The following TNR variants were observed in gnomAD, a reference collection of about 807,000 sequenced individuals.
The protein encoded by TNR is tenascin-R.
In TNR, 45 loss-of-function variants were observed where a neutral mutation model predicts 150.4. That is an observed-to-expected ratio of 0.30 (90% CI 0.24 to 0.38). The LOEUF (loss-of-function observed/expected upper bound fraction) is 0.38, where lower values mean the gene tolerates loss of function less well. Among genes scored for constraint, TNR ranks in the 10% least tolerant of loss-of-function variants. TNR has a pLI of 1.00. For synonymous variants in TNR, 687 were observed against 678.4 expected (o/e 1.01, Z -0.20); for missense variants, 1,544 against 1,759.1 (o/e 0.88, Z 2.19).
At chr1:175,424,430 G>C (rs1224285001) in intron 2 of TNR, among the ~76,000 whole-genome samples, 4 of 152,208 alleles carry the variant, frequency 2.6e-5, no homozygotes, top group Admixed American at 2.6e-4. Flanking sequence ...GAGGAGCCTT[G>C]GTAAGTGTTG....
chr1:175,649,796 T>G (rs980804714), intron 1 of TNR, among the ~76,000 whole-genome samples: 11 of 152,050 alleles, frequency 7.2e-5, no homozygotes, highest in Non-Finnish European at 1.5e-4. Flanking sequence ...TTTTCTACCC[T>G]TACTGCCCAC....
chr1:175,592,369 GA>G (rs1662834022), intron 1 of TNR, among the ~76,000 whole-genome samples: 1 of 152,214 alleles, frequency 6.6e-6, no homozygotes, highest in African/African-American at 2.4e-5. Flanking sequence ...AATAGGTGAG[GA>G]GCTCACATAT....
intron 21 of TNR, among the ~76,000 whole-genome samples, chr1:175,326,515 T>C (rs1159240619): frequency 1.3e-5 from 2 of 152,136 alleles, no homozygotes; most frequent in African/African-American, 2.4e-5. Context: ...TGATCTTCAT[T>C]CCGTCTTCTT....
intron 18 of TNR, among the ~76,000 whole-genome samples, chr1:175,340,198 C>T (rs530526259): frequency 3.2e-4 from 49 of 152,092 alleles, no homozygotes; most frequent in Non-Finnish European, 5.1e-4. Context: ...CCTTCCAGGC[C>T]GGCAATGAGC....
chr1:175,516,418 G>T lies in TNR; in HGVS notation c.-64+11851C>A, dbSNP rs574191001. The stretch of plus-strand genomic sequence containing the variant: ...GGAAAGTGGCACTTCTCAAGTGGTG[G>T]GTCAGCATCCTGGAAAAATGAGGAA... On this transcript the variant is annotated intron_variant, in intron 2 of 22. Transcript: ENST00000367674. Among the ~76,000 whole-genome samples, 245 of 152,286 alleles carry T rather than the reference G, an allele frequency of 1.6e-3. 1 individual carries two copies. The highest frequency in any genetic ancestry group is 2.9e-4 in the Non-Finnish European group (20 of 68,016).
chr1:175,623,971 C>G (rs1173345566), intron 1 of TNR, among the ~76,000 whole-genome samples: 2 of 152,168 alleles, frequency 1.3e-5, no homozygotes, highest in African/African-American at 4.8e-5. Flanking sequence ...TCTAAGAATG[C>G]CCTGATGTTT....
chr1:175,740,102 T>C (rs1294952458), intron 1 of TNR, among the ~76,000 whole-genome samples: 1 of 152,220 alleles, frequency 6.6e-6, no homozygotes, highest in African/African-American at 2.4e-5. Flanking sequence ...AATGTACCCC[T>C]CCCACATCTT....
chr1:175,387,083 G>C (rs1490803537), intron 7 of TNR, among the ~76,000 whole-genome samples: 1 of 152,240 alleles, frequency 6.6e-6, no homozygotes, highest in Non-Finnish European at 1.5e-5. Flanking sequence ...CACCTGGAAA[G>C]CTGGTTGATT....
intron 2 of TNR, among the ~76,000 whole-genome samples, chr1:175,499,381 C>T (rs1405490533): frequency 6.6e-6 from 1 of 152,216 alleles, no homozygotes; most frequent in South Asian, 2.1e-4. Context: ...TAAAGTTGGG[C>T]TCTCCCTGCA....
At chr1:175,416,843 C>T (rs1654481831) in intron 2 of TNR, among the ~76,000 whole-genome samples, 1 of 152,206 alleles carries the variant, frequency 6.6e-6, no homozygotes, top group South Asian at 2.1e-4. Flanking sequence ...CCCGTCTCTA[C>T]TAAAAATACA....
chr1:175,658,429 T>G (rs1294016238), intron 1 of TNR, among the ~76,000 whole-genome samples: 1 of 152,196 alleles, frequency 6.6e-6, no homozygotes, highest in East Asian at 1.9e-4. Context: ...TGTTCCTATG[T>G]GTTCCAAGTG....
At chr1:175,683,767 C>A (rs1666109232) in intron 1 of TNR, among the ~76,000 whole-genome samples, 1 of 152,132 alleles carries the variant, frequency 6.6e-6, no homozygotes, top group South Asian at 2.1e-4. Context: ...TGAGGAAACC[C>A]CAGGAGATCA....
chr1:175,404,879 G>A (rs531575427), intron 3 of TNR, among the ~76,000 whole-genome samples: 2 of 152,338 alleles, frequency 1.3e-5, no homozygotes, highest in South Asian at 4.1e-4. Flanking sequence ...TCTGCAGATT[G>A]TTTTATTTAT....
At chr1:175,406,834 G>A in intron 2 of TNR, 57 bp from the exon 3 acceptor site, 1 of 1,348,012 alleles carries the variant, frequency 7.4e-7, no homozygotes, top group Non-Finnish European at 1.0e-6. Flanking sequence ...TGGCACCATG[G>A]CTCTGCACAA....
rs1648896910 is a variant in TNR, at chr1:175,318,220, G to A, written c.*5137C>T. 6.6e-6 allele frequency: 1 copy of A among 152,260 alleles called. No homozygotes were observed. Among genetic ancestry groups the A allele is most frequent in the South Asian group, 2.1e-4 (1 of 4,832 alleles). The allele number at this position is 152,260 out of a possible 1,614,324, so 9.4% of individuals were successfully genotyped here. ...GAGGCTGGAGGCCAGAACGTGAGAA[G>A]CCAATGCTGCTTCCTCTCCCATGGC... On this transcript the variant is annotated 3_prime_UTR_variant, in exon 23 of 23. Coordinates refer to ENST00000367674, the MANE Select transcript of TNR (RefSeq NM_003285.3).
At chr1:175,409,856 T>C (rs1057156409) in intron 2 of TNR, among the ~76,000 whole-genome samples, 2 of 52,392 alleles carry the variant, frequency 3.8e-5, no homozygotes, top group Non-Finnish European at 7.6e-5. Context: ...CAAGTGTGTG[T>C]GGGTGGGTGG....
chr1:175,425,113 C>T (rs922289589), intron 2 of TNR, among the ~76,000 whole-genome samples: 62 of 152,002 alleles, frequency 4.1e-4, no homozygotes, highest in Middle Eastern at 3.4e-3. Context: ...TGTCGAAGAC[C>T]TTATATTAAG....
At position 175,315,822 on chromosome 1, in the gene TNR, G is replaced by A. The variant is rs1324368703; in HGVS notation, c.*7535C>T. 4.1e-5 allele frequency: 6 copies of A among 146,238 alleles called. No individual in the cohort carries two copies. The highest frequency in any genetic ancestry group is 1.7e-4 in the African/African-American group (6 of 36,022). The allele number at this position is 146,238 out of a possible 1,614,324, so 9.1% of individuals were successfully genotyped here. On this transcript the variant is annotated 3_prime_UTR_variant, in exon 23 of 23. Transcript: ENST00000367674. ...CATGTGTGTGTGTGCATGTGTGTGT[G>A]TGTGTGTGTGTGTGTGTGTGTGTGA...
chr1:175,459,302 C>T (rs1308409823), intron 2 of TNR, among the ~76,000 whole-genome samples: 2 of 152,178 alleles, frequency 1.3e-5, no homozygotes, highest in Non-Finnish European at 2.9e-5. Context: ...ATCACCTCTG[C>T]CACCGTCATC....
Sources: allele counts gnomAD v4.1 joint callset (sites outside exome capture counted in the v4.1 genomes callset), GRCh38; gene constraint gnomAD v4.1.1; transcripts MANE v1.5; gene names NCBI Gene and HGNC (gene_info 2026-07-23, HGNC 2026-07-21).